The following PRSS23 variants were observed in gnomAD, a reference collection of about 807,000 sequenced individuals.
PRSS23 encodes the protein serine protease 23.
In PRSS23, 25 loss-of-function variants were observed where a neutral mutation model predicts 34.7. That is an observed-to-expected ratio of 0.72 (90% CI 0.53 to 1.01). The LOEUF (loss-of-function observed/expected upper bound fraction) is 1.01. Ranked by LOEUF, PRSS23 falls within the 50% of genes least tolerant of loss-of-function variation. The pLI, the probability that PRSS23 is intolerant of heterozygous loss-of-function variation, is 0.00. For missense variants in PRSS23, 445 were observed against 475.6 expected, an observed-to-expected ratio of 0.94 and a Z score of 0.60; for synonymous variants, 176 against 186.6, an observed-to-expected ratio of 0.94 and a Z score of 0.46.
chr11:86,911,629 A>G (rs997681921), intron 2 of PRSS23: 3 of 152,230 alleles, frequency 2.0e-5, no homozygotes, highest in African/African-American at 7.2e-5. Flanking sequence ...AGCTGCATCC[A>G]TGTGGCTATG....
At chr11:86,869,895 C>T (rs181545101) in intron 2 of PRSS23, among the ~76,000 whole-genome samples, 2 of 152,190 alleles carry the variant, frequency 1.3e-5, no homozygotes, top group East Asian at 3.9e-4. Context: ...CACAGTACGT[C>T]GTCAGTAAAT....
intron 2 of PRSS23, among the ~76,000 whole-genome samples, chr11:86,905,904 A>C (rs1463373473): frequency 6.6e-6 from 1 of 152,198 alleles, no homozygotes; most frequent in Non-Finnish European, 1.5e-5. Flanking sequence ...GATGTGAACA[A>C]ATGGAGTGAA....
At chr11:86,843,697 A>G (rs1207182030) in intron 2 of PRSS23, among the ~76,000 whole-genome samples, 1 of 152,258 alleles carries the variant, frequency 6.6e-6, no homozygotes, top group Non-Finnish European at 1.5e-5. Flanking sequence ...AGAGAAATGC[A>G]AATCAAAACT....
chr11:86,799,329 G>A (rs370522742), upstream of PRSS23, among the ~76,000 whole-genome samples: 1 of 152,296 alleles, frequency 6.6e-6, no homozygotes, highest in East Asian at 1.9e-4. Flanking sequence ...AACGTATTAG[G>A]CATATCAGTA....
intron 1 of PRSS23, among the ~76,000 whole-genome samples, chr11:86,803,293 G>A (rs1948061711): frequency 6.6e-6 from 1 of 152,166 alleles, no homozygotes; most frequent in Non-Finnish European, 1.5e-5. Flanking sequence ...AGGATAAGGT[G>A]ATTCATTTAT....
In PRSS23 at chr11:86,864,642, CCACA is replaced by C. The variant is rs369379722; in HGVS notation, c.206+41053_206+41056del. Among the ~76,000 whole-genome samples, 706 of 152,032 alleles carry C rather than the reference CCACA, an allele frequency of 4.6e-3. 11 individuals are homozygous for C. The highest frequency in any genetic ancestry group is 0.016 in the African/African-American group (685 of 41,566). ...TTTCTATTGCTTCTATAACACATTA[CCACA>C]CACTTAGTAGCTTATGCAAGACTGA... On this transcript the variant is annotated intron_variant, in intron 2 of 2. Transcript: ENST00000533902.
At chr11:86,947,246 G>T (rs927555199) in intron 2 of PRSS23, 1 of 171,402 alleles carries the variant, frequency 5.8e-6, no homozygotes, top group Non-Finnish European at 1.2e-5. Flanking sequence ...ACAAAAAAAA[G>T]GTTCCTTCCA....
chr11:86,827,702 C>T (rs1306953734), intron 2 of PRSS23, among the ~76,000 whole-genome samples: 2 of 152,218 alleles, frequency 1.3e-5, no homozygotes, highest in Admixed American at 6.5e-5. Context: ...TGTCTTTGTT[C>T]TCGTTGGTTT....
rs759882372 is a variant in PRSS23 at position 86,808,686 on chromosome 11, T to C, written c.1043T>C (p.Met348Thr). 1.2e-5 allele frequency: 20 copies of C among 1,614,102 alleles called. No homozygotes were observed. The highest frequency in any genetic ancestry group is 3.3e-5 in the Admixed American group (2 of 60,018). The change falls in exon 2 of 2, where the codon ATG becomes ACG. Residue 348 changes from methionine (M) to threonine (T), a missense_variant. Coordinates refer to ENST00000280258, the MANE Select transcript of PRSS23 (RefSeq NM_007173.6). ...GIFSGHQWVD[M>T]NGSPQDFNVA... is the part of the protein sequence containing the mutation. The stretch of plus-strand genomic sequence containing the variant: ...TTTTCAGGGCACCAGTGGGTGGACA[T>C]GAATGGTTCCCCACAGGATTTCAAC...
At chr11:86,843,504 A>AT (rs1948463671) in intron 2 of PRSS23, among the ~76,000 whole-genome samples, 1 of 152,212 alleles carries the variant, frequency 6.6e-6, no homozygotes, top group Admixed American at 6.5e-5. Flanking sequence ...ATGGGAGAAA[A>AT]TTTTTGCAAT....
Position 86,891,627 on chromosome 11 carries a change from C to G in PRSS23, c.207-59589C>G, listed in dbSNP as rs180969700. Reference sequence around the variant, plus strand: ...TGTGTTCTTTCCCACATTTCTTAAACTAAATAACCAAACATTTCGCACTAC... The same window carrying G: ...TGTGTTCTTTCCCACATTTCTTAAAGTAAATAACCAAACATTTCGCACTAC... On this transcript the variant is annotated intron_variant, in intron 2 of 2. Coordinates refer to the PRSS23 transcript ENST00000533902. 5.2e-4 allele frequency among the ~76,000 whole-genome samples: 79 copies of G among 152,302 alleles called. 1 individual carries two copies. The highest frequency in any genetic ancestry group is 1.9e-3 in the African/African-American group (77 of 41,556).
chr11:86,895,367 G>C (rs1434694772), intron 2 of PRSS23, among the ~76,000 whole-genome samples: 2 of 151,630 alleles, frequency 1.3e-5, no homozygotes, highest in Non-Finnish European at 2.9e-5. Flanking sequence ...GATGACATAT[G>C]AGCCTATTGT....
At chr11:86,855,553 A>T (rs1948563940) in intron 2 of PRSS23, among the ~76,000 whole-genome samples, 1 of 152,084 alleles carries the variant, frequency 6.6e-6, no homozygotes, top group African/African-American at 2.4e-5. Context: ...TGGAGTATAG[A>T]GGCATGATCT....
At chr11:86,902,288 A>G (rs1416514114) in intron 2 of PRSS23, among the ~76,000 whole-genome samples, 5 of 152,176 alleles carry the variant, frequency 3.3e-5, no homozygotes, top group South Asian at 4.1e-4. Flanking sequence ...CTACTGCTCT[A>G]TTTAGACTCA....
At chr11:86,907,714 C>A (rs1948952990) in intron 2 of PRSS23, among the ~76,000 whole-genome samples, 1 of 152,188 alleles carries the variant, frequency 6.6e-6, no homozygotes, top group Non-Finnish European at 1.5e-5. Flanking sequence ...CCTGCCTTAA[C>A]CTCCCAAAAT....
At chr11:86,868,340 GGCTGAACAATA>G (rs1276907942) in intron 2 of PRSS23, among the ~76,000 whole-genome samples, 14 of 152,160 alleles carry the variant, frequency 9.2e-5, no homozygotes, top group African/African-American at 2.9e-4. Context: ...GTGGTATGCT[GGCTGAACAATA>G]GCAAGTATGG....
chr11:86,942,699 C>G lies in PRSS23; in HGVS notation c.207-8517C>G, dbSNP rs138439024. 1.8e-4 allele frequency among the ~76,000 whole-genome samples: 27 copies of G among 152,246 alleles called. No individual in the cohort carries two copies. In the East Asian group the frequency reaches 5.0e-3, roughly 28 times the overall value. ...GAGGGTAAATAAATCTATGGGCCCT[C>G]TTAGCCTAAAGATGAAATGACTGAA... On this transcript the variant is annotated intron_variant, in intron 2 of 2. Transcript: ENST00000533902.
intron 2 of PRSS23, among the ~76,000 whole-genome samples, chr11:86,829,868 C>G (rs1322651884): frequency 6.6e-6 from 1 of 152,184 alleles, no homozygotes; most frequent in Non-Finnish European, 1.5e-5. Context: ...CAGAGGAGTA[C>G]TTGGCCGTGT....
chr11:86,858,914 G>A (rs1200311197), intron 2 of PRSS23, among the ~76,000 whole-genome samples: 2 of 151,796 alleles, frequency 1.3e-5, no homozygotes, highest in African/African-American at 4.8e-5. Flanking sequence ...CAAGGAGGGA[G>A]AGGATGATAT....
Sources: gnomAD v4.1 joint callset for allele counts (sites outside exome capture counted in the v4.1 genomes callset) on GRCh38, gnomAD v4.1.1 for gene constraint, MANE v1.5 for transcripts, NCBI Gene and HGNC (gene_info 2026-07-23, HGNC 2026-07-21) for gene names.